The following LMNA variants were observed in gnomAD, a reference collection of about 807,000 sequenced individuals.
LMNA encodes the protein lamin A/C.
A neutral mutation model predicts 70.4 loss-of-function variants in LMNA; 20 were observed. The ratio of observed to expected loss-of-function variants is 0.28; its 90% CI spans 0.20 to 0.41. The LOEUF (loss-of-function observed/expected upper bound fraction) is 0.41, where lower values mean the gene tolerates loss of function less well. Ranked by LOEUF, LMNA falls within the 10% of genes least tolerant of loss-of-function variation. LMNA has a pLI of 1.00. For synonymous variants in LMNA, 339 were observed against 372.8 expected (o/e 0.91, Z 1.04); for missense variants, 652 against 917.2 (o/e 0.71, Z 3.73).
intron 2 of LMNA, among the ~76,000 whole-genome samples, chr1:156,131,144 G>A (rs188318207): frequency 7.2e-5 from 11 of 152,152 alleles, no homozygotes; most frequent in African/African-American, 2.4e-4. Flanking sequence ...GGTGGCGGGC[G>A]CCTGTAGTCC....
At chr1:156,101,582 G>A (rs892174436) in intron 3 of LMNA, among the ~76,000 whole-genome samples, 1 of 146,422 alleles carries the variant, frequency 6.8e-6, no homozygotes, top group Admixed American at 6.9e-5. Context: ...TGGAGGCAGA[G>A]AGACTGGTTG....
At chr1:156,106,644 C>G (rs1234441059) in intron 3 of LMNA, 2 of 122,066 alleles carry the variant, frequency 1.6e-5, no homozygotes, top group African/African-American at 6.6e-5. Context: ...CACCCCCCCA[C>G]GCCTCTGTCC....
In LMNA at chr1:156,135,018, C is replaced by A. The variant is rs1256434782; in HGVS notation, c.810+43C>A. 6.2e-7 allele frequency: 1 copy of A among 1,613,274 alleles called. No homozygotes were observed. On this transcript the variant is annotated intron_variant, in intron 4 of 11. Transcript: ENST00000368300. This position sits in a 1 kb window ranked among gnomAD's most constrained non-coding sequence, Gnocchi z 4.8. ...GTTCCCTCACTGCCTCTGCCCTTGGCAGCCCTACCCTTACCCACGCTGGGC... is the reference window on the plus strand; with the variant it reads ...GTTCCCTCACTGCCTCTGCCCTTGGAAGCCCTACCCTTACCCACGCTGGGC...
At chr1:156,092,940 G>A (rs1304702983) in intron 3 of LMNA, among the ~76,000 whole-genome samples, 1 of 147,658 alleles carries the variant, frequency 6.8e-6, no homozygotes, top group East Asian at 2.0e-4. Flanking sequence ...TTATGCTGGA[G>A]TGCAGTGGTG....
At chr1:156,126,219 G>T in intron 1 of LMNA, 1 of 1,522,834 alleles carries the variant, frequency 6.6e-7, no homozygotes, top group African/African-American at 1.4e-5. Flanking sequence ...GAACTCTGAG[G>T]GCTGGTGAGC....
chr1:156,091,294 T>C (rs1248681119), intron 3 of LMNA, among the ~76,000 whole-genome samples: 1 of 152,126 alleles, frequency 6.6e-6, no homozygotes. Flanking sequence ...ATATCTACCT[T>C]GTAAGGATTT....
upstream of LMNA, among the ~76,000 whole-genome samples, chr1:156,114,067 G>C (rs1390756527): frequency 6.7e-6 from 1 of 150,180 alleles, no homozygotes; most frequent in Non-Finnish European, 1.5e-5. Context: ...GAAAAAAAGG[G>C]ACCCCCCAAA....
At position 156,137,216 on chromosome 1, in the gene LMNA, T is replaced by A. The variant is rs1464388906; in HGVS notation, c.1592T>A (p.Ile531Asn). The part of the protein sequence containing the change: ...GCGNSLRTAL[I>N]NSTGEEVAMR... ...GGGAACAGCCTGCGTACGGCTCTCA[T>A]CAACTCCACTGGGGAAGTAAGTAGG... The change falls in exon 9 of 12, where the codon ATC (isoleucine) becomes AAC (asparagine). Residue 531 changes from isoleucine (I) to asparagine (N), a missense_variant. Physicochemically the swap from Ile to Asn is moderately radical, Grantham distance 149. Transcript: ENST00000368300. This position sits in a 1 kb window ranked among gnomAD's most constrained non-coding sequence, Gnocchi z 4.6. 1.3e-6 allele frequency: 2 copies of A among 1,589,622 alleles called. No homozygotes were observed. The highest frequency in any genetic ancestry group is 2.7e-5 in the African/African-American group (2 of 74,566).
chr1:156,139,880 G>A lies in LMNA; in HGVS notation c.*774G>A. ...GGGCTCTGTGCAGTCACTGGAGGTT[G>A]AAGCCAAGTGGGGTGCTGGGAGGAG... On this transcript the variant is annotated 3_prime_UTR_variant, in exon 12 of 12. Transcript: ENST00000368300. 6.9e-7 allele frequency: 1 copy of A among 1,457,020 alleles called. No individual in the cohort carries two copies. The highest frequency in any genetic ancestry group is 2.7e-5 in the East Asian group (1 of 37,036). The allele number at this position is 1,457,020 out of a possible 1,614,324, so 90.3% of individuals were successfully genotyped here.
At chr1:156,107,159 TAAGG>T (rs1485993671) in intron 3 of LMNA, among the ~76,000 whole-genome samples, 1 of 152,214 alleles carries the variant, frequency 6.6e-6, no homozygotes, top group African/African-American at 2.4e-5. Flanking sequence ...TTGAGAAGGC[TAAGG>T]TAGTAACCTT....
rs1182077282 is a variant in LMNA, at chr1:156,135,772, G to A, written c.937-129G>A. ...TGATGTTCAGAGCTGGCTCTGATGAGGGCTCTGGGGAAGCTCTGATTGCAG... is the reference window on the plus strand; with the variant it reads ...TGATGTTCAGAGCTGGCTCTGATGAAGGCTCTGGGGAAGCTCTGATTGCAG... On this transcript the variant is annotated intron_variant, in intron 5 of 11. Transcript: ENST00000368300. This position sits in a 1 kb window ranked among gnomAD's most constrained non-coding sequence, Gnocchi z 4.8. 2 of 763,212 alleles carry A rather than the reference G, an allele frequency of 2.6e-6. No homozygotes were observed. The highest frequency in any genetic ancestry group is 5.4e-5 in the East Asian group (2 of 37,280). The allele number at this position is 763,212 out of a possible 1,614,324, so 47.3% of individuals were successfully genotyped here.
chr1:156,108,723 G>T (rs1292016191), intron 3 of LMNA, among the ~76,000 whole-genome samples: 1 of 151,736 alleles, frequency 6.6e-6, no homozygotes, highest in Admixed American at 6.6e-5. Context: ...CTGAGATCGT[G>T]CCATTGCACT....
At chr1:156,126,493 T>C in intron 1 of LMNA, 1 of 661,262 alleles carries the variant, frequency 1.5e-6, no homozygotes, top group Non-Finnish European at 2.8e-6. Flanking sequence ...ACTCAGAGGG[T>C]GGGTCAGCGC....
chr1:156,122,217 T>A (rs978959126), intron 1 of LMNA, among the ~76,000 whole-genome samples: 2 of 152,208 alleles, frequency 1.3e-5, no homozygotes, highest in Non-Finnish European at 2.9e-5. Flanking sequence ...CTTAGTTCTG[T>A]GTGTGGCCCT....
At chr1:156,130,522 C>T (rs1650955659) in intron 1 of LMNA, 95 bp from the exon 2 acceptor site, 1 of 1,330,242 alleles carries the variant, frequency 7.5e-7, no homozygotes, top group Non-Finnish European at 1.1e-6. Flanking sequence ...GCAGGCATAG[C>T]AGCGCCAGCC....
chr1:156,138,810 G>C lies in LMNA; in HGVS notation c.1968+53G>C. ...TCCTGCAGGCGGGTCCCTGGTCATC[G>C]AGGGGTAGGACGAGGTGGCCTTGCA... On this transcript the variant is annotated intron_variant, in intron 11 of 11. Coordinates refer to ENST00000368300, the MANE Select transcript of LMNA (RefSeq NM_170707.4). The surrounding 1 kb of genome is among the most constrained non-coding windows in gnomAD (Gnocchi z 5.5). 5 of 1,610,080 alleles carry C rather than the reference G, an allele frequency of 3.1e-6. No homozygotes were observed. Among genetic ancestry groups the C allele is most frequent in the Non-Finnish European group, 2.5e-6 (3 of 1,177,904 alleles).
intron 3 of LMNA, among the ~76,000 whole-genome samples, chr1:156,107,085 A>T (rs1305650894): frequency 6.6e-6 from 1 of 152,152 alleles, no homozygotes; most frequent in African/African-American, 2.4e-5. Context: ...TAGCCTGCCT[A>T]AGCCTCTGTC....
chr1:156,126,723 T>C (rs1650613203), intron 1 of LMNA: 2 of 1,558,000 alleles, frequency 1.3e-6, no homozygotes, highest in Non-Finnish European at 1.7e-6. Context: ...CTCTTCCCTC[T>C]TTCTGAGATC....
intron 1 of LMNA, chr1:156,126,965 G>C: frequency 6.6e-7 from 1 of 1,504,620 alleles, no homozygotes; most frequent in Non-Finnish European, 8.9e-7. Flanking sequence ...GTGTGCCTGA[G>C]CATGAGTCAC....
Sources: gnomAD v4.1 joint callset for allele counts (sites outside exome capture counted in the v4.1 genomes callset) on GRCh38, gnomAD v4.1.1 for gene constraint, Gnocchi (gnomAD v3.1) non-coding constraint, MANE v1.5 for transcripts, NCBI Gene and HGNC (gene_info 2026-07-23, HGNC 2026-07-21) for gene names.